The following PTPRN2 variants were observed in gnomAD, a reference collection of about 807,000 sequenced individuals.
The protein encoded by PTPRN2 is receptor-type tyrosine-protein phosphatase N2.
PTPRN2 carries 74 observed loss-of-function variants against 118.8 expected under a neutral mutation model. The ratio of observed to expected loss-of-function variants is 0.62; its 90% CI spans 0.52 to 0.76. PTPRN2 has a LOEUF of 0.76. PTPRN2 is among the 30% of genes least tolerant of loss of function. The pLI, the probability that PTPRN2 is intolerant of heterozygous loss-of-function variation, is 0.00. For synonymous variants in PTPRN2, 641 were observed against 608.0 expected (o/e 1.05, Z -0.80); for missense variants, 1,481 against 1,394.4 (o/e 1.06, Z -0.99).
chr7:157,765,852 C>CCCA, intron 12 of PTPRN2, among the ~76,000 whole-genome samples: 1 of 108,712 alleles, frequency 9.2e-6, no homozygotes, highest in African/African-American at 5.1e-5. Flanking sequence ...CACTCATCCA[C>CCCA]TCATCCATCC....
At position 158,167,429 on chromosome 7, in the gene PTPRN2, AAGGTCCT is replaced by A. The variant is rs1323233086; in HGVS notation, c.550-145_550-139del. On this transcript the variant is annotated intron_variant, in intron 5 of 22. Coordinates refer to ENST00000389418, the MANE Select transcript of PTPRN2 (RefSeq NM_002847.5). ...AAAGATGCCCTTCGGTCTCAGGTTC[AAGGTCCT>A]AAACAGCCCTGGACATCTCTGAAAT... 3 of 1,180,952 alleles carry A rather than the reference AAGGTCCT, an allele frequency of 2.5e-6. No individual in the cohort carries two copies. In the African/African-American group the frequency reaches 4.6e-5, roughly 18 times the overall value. The allele number at this position is 1,180,952 out of a possible 1,614,324, so 73.2% of individuals were successfully genotyped here.
chr7:158,585,388 G>A (rs1247040108), intron 1 of PTPRN2, among the ~76,000 whole-genome samples: 1 of 152,188 alleles, frequency 6.6e-6, no homozygotes, highest in Admixed American at 6.5e-5. Flanking sequence ...GAGAATGTAG[G>A]TGATGCCTTT....
chr7:158,059,263 C>A (rs1411350804), intron 11 of PTPRN2, among the ~76,000 whole-genome samples: 2 of 138,914 alleles, frequency 1.4e-5, no homozygotes, highest in Non-Finnish European at 1.5e-5. Flanking sequence ...GACACCACTG[C>A]AGCCACACTC....
intron 11 of PTPRN2, among the ~76,000 whole-genome samples, chr7:158,071,244 CGTAGTATGGAGGTGCCCGTG>C (rs1269701958): frequency 1.6e-5 from 1 of 60,696 alleles, no homozygotes; most frequent in Admixed American, 2.2e-4. Flanking sequence ...TGGAGGTGCT[CGTAGTATGGAGGTGCCCGTG>C]GTGGTGGAGG....
intron 1 of PTPRN2, among the ~76,000 whole-genome samples, chr7:158,512,861 C>T (rs913973499): frequency 3.9e-5 from 6 of 152,048 alleles, no homozygotes; most frequent in African/African-American, 7.3e-5. Flanking sequence ...TGCCGGCAGC[C>T]GAAGCTGGAA....
intron 6 of PTPRN2, among the ~76,000 whole-genome samples, chr7:158,157,934 G>A (rs542134107): frequency 2.9e-4 from 44 of 152,226 alleles, no homozygotes; most frequent in Non-Finnish European, 5.7e-4. Context: ...CTGCTTTAGA[G>A]GGTGCTCGTG....
intron 6 of PTPRN2, among the ~76,000 whole-genome samples, chr7:158,164,403 AGCGC>A (rs1223934563): frequency 8.6e-4 from 26 of 30,074 alleles, no homozygotes; most frequent in African/African-American, 1.9e-3. Flanking sequence ...GCAGAGCAGG[AGCGC>A]GCGCGTAGGA....
intron 17 of PTPRN2, among the ~76,000 whole-genome samples, chr7:157,582,382 C>T (rs1334383144): frequency 6.6e-6 from 1 of 152,082 alleles, no homozygotes; most frequent in East Asian, 1.9e-4. Flanking sequence ...GACAAATGGC[C>T]CGCACGTATG....
At position 158,458,758 on chromosome 7, in the gene PTPRN2, G is replaced by A. The variant is rs149638677; in HGVS notation, c.163+30977C>T. On this transcript the variant is annotated intron_variant, in intron 2 of 22. Transcript: ENST00000389418. ...GTACCCCCATAACACCAGGCTGGGCGGGCTCCACGCTGCCTAAGAGCAGAG... is the reference window on the plus strand; with the variant it reads ...GTACCCCCATAACACCAGGCTGGGCAGGCTCCACGCTGCCTAAGAGCAGAG... 5.3e-5 allele frequency among the ~76,000 whole-genome samples: 8 copies of A among 152,264 alleles called. No individual in the cohort carries two copies. In the East Asian group the frequency reaches 5.8e-4, roughly 11 times the overall value.
intron 2 of PTPRN2, among the ~76,000 whole-genome samples, chr7:158,435,002 C>T (rs1379264722): frequency 6.6e-6 from 1 of 152,098 alleles, no homozygotes; most frequent in African/African-American, 2.4e-5. Flanking sequence ...TGTAAACCGC[C>T]TAGAAGGAAA....
intron 12 of PTPRN2, among the ~76,000 whole-genome samples, chr7:157,757,331 C>T (rs1448249712): frequency 1.3e-5 from 2 of 152,074 alleles, no homozygotes; most frequent in African/African-American, 4.8e-5. Flanking sequence ...CCTATGGCAG[C>T]GACACAGAAG....
intron 15 of PTPRN2, among the ~76,000 whole-genome samples, chr7:157,613,257 G>A (rs926248198): frequency 4.6e-5 from 7 of 152,370 alleles, no homozygotes; most frequent in East Asian, 1.9e-4. Context: ...AGGCGACTCC[G>A]CTTGTCCTTC....
At chr7:158,341,296 C>T (rs796259852) in intron 2 of PTPRN2, among the ~76,000 whole-genome samples, 7 of 136,316 alleles carry the variant, frequency 5.1e-5, no homozygotes, top group Non-Finnish European at 6.8e-5. Context: ...AGAGCCGACG[C>T]CCATAGACGT....
At position 158,110,875 on chromosome 7, in the gene PTPRN2, C is replaced by A; in HGVS notation, c.1597G>T (p.Val533Phe). 1 of 1,586,508 alleles carries A rather than the reference C, an allele frequency of 6.3e-7. No individual in the cohort carries two copies. Among genetic ancestry groups the A allele is most frequent in the Admixed American group, 1.7e-5 (1 of 57,310 alleles). The change falls in exon 10 of 23, where the codon GTC becomes TTC. Residue 533 changes from valine to phenylalanine, a missense_variant. By Grantham distance (50) the Val-to-Phe change is conservative (BLOSUM62 -1). Around this residue, in one of 3 missense-constraint regions of PTPRN2, gnomAD observed 1,115 missense variants for 994.2 expected, o/e 1.12. Transcript: ENST00000389418. ...CTGGGCACCTGCAGGAGGCGGGCGA[C>A]GTCCTCCACCAGCCGCCTTCCTTCC... ...PEEGRRLVED[V>F]ARLLQVPSSA...
chr7:157,768,379 T>C (rs1251491265), intron 12 of PTPRN2, among the ~76,000 whole-genome samples: 1 of 152,200 alleles, frequency 6.6e-6, no homozygotes, highest in Non-Finnish European at 1.5e-5. Context: ...AACCGCACGC[T>C]ACATCCTCAG....
At chr7:157,581,687 T>C (rs188993152) in intron 17 of PTPRN2, among the ~76,000 whole-genome samples, 38 of 152,356 alleles carry the variant, frequency 2.5e-4, no homozygotes, top group African/African-American at 7.9e-4. Flanking sequence ...TTACTGACTG[T>C]AGATTTAAAA....
At chr7:157,628,045 G>A (rs1200252285) in intron 14 of PTPRN2, among the ~76,000 whole-genome samples, 2 of 152,104 alleles carry the variant, frequency 1.3e-5, no homozygotes, top group East Asian at 1.9e-4. Context: ...CTCATCCTAC[G>A]AGACCATTTA....
intron 6 of PTPRN2, among the ~76,000 whole-genome samples, chr7:158,157,324 A>G (rs913722099): frequency 6.6e-6 from 1 of 152,228 alleles, no homozygotes; most frequent in African/African-American, 2.4e-5. Flanking sequence ...TTTCAACCCA[A>G]TTCTCAAAGT....
At position 158,333,325 on chromosome 7, in the gene PTPRN2, C is replaced by T. The variant is rs1414927246; in HGVS notation, c.164-16393G>A. On this transcript the variant is annotated intron_variant, in intron 2 of 22. Coordinates refer to ENST00000389418, the MANE Select transcript of PTPRN2 (RefSeq NM_002847.5). ...CATCTGCAGACGTCACTCACACCCACACTGTCACCATAAGAGGTGACACCT... is the reference window on the plus strand; with the variant it reads ...CATCTGCAGACGTCACTCACACCCATACTGTCACCATAAGAGGTGACACCT... 2.2e-4 allele frequency among the ~76,000 whole-genome samples: 31 copies of T among 141,534 alleles called. 1 individual carries two copies. Among genetic ancestry groups the T allele is most frequent in the Admixed American group, 8.3e-4 (12 of 14,524 alleles). The allele number at this position is 141,534 out of a possible 152,430, so 92.9% of individuals were successfully genotyped here. A position where few individuals can be genotyped will look rare whatever the true frequency, so the allele number is the denominator to read the frequency against.
Sources: allele counts gnomAD v4.1 joint callset (sites outside exome capture counted in the v4.1 genomes callset), GRCh38; gene constraint gnomAD v4.1.1; regional missense constraint gnomAD v4.1.1; transcripts MANE v1.5; gene names NCBI Gene and HGNC (gene_info 2026-07-23, HGNC 2026-07-21).